The following PDHX variants were observed in gnomAD, a reference collection of about 807,000 sequenced individuals.
PDHX encodes the protein pyruvate dehydrogenase complex component X.
Under a neutral mutation model 55.3 loss-of-function variants are expected in PDHX, and 33 were observed. The ratio of observed to expected loss-of-function variants is 0.60; its 90% CI spans 0.45 to 0.80. The LOEUF (loss-of-function observed/expected upper bound fraction) is 0.80. Among genes scored for constraint, PDHX ranks in the 30% least tolerant of loss-of-function variants. The probability of loss-of-function intolerance (pLI) is 0.00; values close to 1 mark genes in which losing one functional copy is unlikely to be tolerated. For synonymous variants in PDHX, 226 were observed against 219.4 expected (o/e 1.03, Z -0.27); for missense variants, 622 against 619.9 (o/e 1.00, Z -0.04).
At chr11:34,960,641 G>T in intron 5 of PDHX, 123 bp downstream of exon 5, 5 of 616,138 alleles carry the variant, frequency 8.1e-6, no homozygotes, top group African/African-American at 5.6e-5. Flanking sequence ...TTCTTCTTTT[G>T]TACTTTTAAT....
intron 2 of PDHX, among the ~76,000 whole-genome samples, chr11:34,932,936 A>G (rs1451804526): frequency 6.6e-6 from 1 of 152,218 alleles, no homozygotes; most frequent in Non-Finnish European, 1.5e-5. Context: ...CTATGGGGTG[A>G]TCTTCATTGA....
intron 3 of PDHX, among the ~76,000 whole-genome samples, chr11:34,952,427 T>C (rs1292109463): frequency 6.6e-6 from 1 of 152,154 alleles, no homozygotes; most frequent in African/African-American, 2.4e-5. Flanking sequence ...TGAACATTGA[T>C]GCAAAAATCC....
At chr11:34,922,412 C>G (rs1853905699) in intron 1 of PDHX, among the ~76,000 whole-genome samples, 1 of 152,212 alleles carries the variant, frequency 6.6e-6, no homozygotes, top group South Asian at 2.1e-4. Flanking sequence ...TTAATACTCA[C>G]AACTAATACT....
intron 1 of PDHX, among the ~76,000 whole-genome samples, chr11:34,930,850 C>T (rs531086280): frequency 1.3e-5 from 2 of 152,158 alleles, no homozygotes; most frequent in Admixed American, 6.5e-5. Context: ...ACAAGGCAAA[C>T]GTTTCCTTTC....
chr11:34,950,353 T>C lies in PDHX; in HGVS notation c.342+2747T>C, dbSNP rs569279999. ...TAATTTTTTCTTTTTTTAATGTTTG[T>C]TTATTTATTTATTTATTTTATTATT... On this transcript the variant is annotated intron_variant, in intron 3 of 10. Coordinates refer to ENST00000227868, the MANE Select transcript of PDHX (RefSeq NM_003477.3). Among the ~76,000 whole-genome samples the C allele has an allele frequency of 7.9e-4, 116 of 147,404 alleles. 1 individual carries two copies. Among genetic ancestry groups the C allele is most frequent in the Non-Finnish European group, 1.3e-3 (86 of 67,570 alleles).
intron 1 of PDHX, among the ~76,000 whole-genome samples, chr11:34,928,850 A>G (rs1353491864): frequency 6.6e-6 from 1 of 152,218 alleles, no homozygotes; most frequent in Non-Finnish European, 1.5e-5. Flanking sequence ...TTAGTTCTCC[A>G]GCATTTTATA....
intron 3 of PDHX, among the ~76,000 whole-genome samples, chr11:34,953,374 G>A (rs865798677): frequency 6.6e-6 from 1 of 152,166 alleles, no homozygotes; most frequent in Non-Finnish European, 1.5e-5. Context: ...AAAAGAGCCT[G>A]CATCGCCAAG....
rs1855142003 is a variant in PDHX at position 34,966,761 on chromosome 11, T to C, written c.763T>C (p.Tyr255His). ...CCTACAGGCCACAGCTGGACCATCT[T>C]ATCCCCGGCCTGTGATCCCACCAGT... ...SPLQATAGPS[Y>H]PRPVIPPVST... The change falls in exon 6 of 11, where the codon TAT (tyrosine) becomes CAT (histidine). Residue 255 changes from tyrosine (Y) to histidine (H), a missense_variant. Physicochemically the swap from Tyr to His is moderately conservative, Grantham distance 83 (BLOSUM62 2). Coordinates refer to ENST00000227868, the MANE Select transcript of PDHX (RefSeq NM_003477.3). 6.2e-7 allele frequency: 1 copy of C among 1,614,120 alleles called. No individual in the cohort carries two copies. The highest frequency in any genetic ancestry group is 8.5e-7 in the Non-Finnish European group (1 of 1,179,992).
intron 8 of PDHX, 145 bp downstream of exon 8, chr11:34,978,327 C>T: frequency 1.6e-6 from 1 of 627,252 alleles, no homozygotes; most frequent in East Asian, 2.8e-5. Flanking sequence ...TGATCTCCCT[C>T]ATTTTACAAA....
Position 34,988,310 on chromosome 11 carries a change from C to T in PDHX, c.1182+3582C>T, listed in dbSNP as rs141241090. On this transcript the variant is annotated intron_variant, in intron 9 of 10. Coordinates refer to ENST00000227868, the MANE Select transcript of PDHX (RefSeq NM_003477.3). ...TATATATATTAATCCTCTTTAAAAC[C>T]ACCCTATCAAGTACAAGATAATAAT... Among the ~76,000 whole-genome samples, 626 of 152,018 alleles carry T rather than the reference C, an allele frequency of 4.1e-3. 4 individuals carry two copies. Among genetic ancestry groups the T allele is most frequent in the African/African-American group, 0.014 (601 of 41,464 alleles).
At chr11:34,979,263 A>G (rs1855452142) in intron 8 of PDHX, among the ~76,000 whole-genome samples, 1 of 152,116 alleles carries the variant, frequency 6.6e-6, no homozygotes, top group African/African-American at 2.4e-5. Flanking sequence ...GACATGTTAC[A>G]TTTGAGGAGC....
intron 2 of PDHX, among the ~76,000 whole-genome samples, chr11:34,944,244 C>T (rs986980844): frequency 1.3e-5 from 2 of 151,872 alleles, no homozygotes; most frequent in South Asian, 2.1e-4. Flanking sequence ...CTCAACCTCC[C>T]GAGTAGCTGG....
intron 9 of PDHX, among the ~76,000 whole-genome samples, chr11:34,987,768 C>T (rs1855680512): frequency 6.7e-6 from 1 of 148,622 alleles, no homozygotes; most frequent in Non-Finnish European, 1.5e-5. Flanking sequence ...GTGTGTTCTT[C>T]ACGTCCAATA....
At chr11:34,964,239 A>G (rs192169352) in intron 5 of PDHX, among the ~76,000 whole-genome samples, 120 of 152,324 alleles carry the variant, frequency 7.9e-4, no homozygotes, top group Admixed American at 3.1e-3. Context: ...CTGCCTCACA[A>G]AAAACTAAAT....
intron 2 of PDHX, among the ~76,000 whole-genome samples, chr11:34,943,869 G>A (rs1272883711): frequency 6.6e-6 from 1 of 151,964 alleles, no homozygotes; most frequent in Non-Finnish European, 1.5e-5. Context: ...TACAAAAACT[G>A]AATTAGATGC....
Position 34,984,735 on chromosome 11 carries a change from C to CT in PDHX, c.1182+9dup. 6.2e-7 allele frequency: 1 copy of CT among 1,612,952 alleles called. No homozygotes were observed. The highest frequency in any genetic ancestry group is 8.5e-7 in the Non-Finnish European group (1 of 1,179,020). On this transcript the variant is annotated splice_region_variant and intron_variant, in intron 9 of 10. Coordinates refer to ENST00000227868, the MANE Select transcript of PDHX (RefSeq NM_003477.3). ...AATTGCTGACTCTGTAAAGGTATGT[C>CT]TTAAGAAAGAGTGTGCTTTCAAAAT... is the stretch of plus-strand genomic sequence containing the variant.
At chr11:34,938,851 G>A (rs919823472) in intron 2 of PDHX, among the ~76,000 whole-genome samples, 4 of 152,336 alleles carry the variant, frequency 2.6e-5, no homozygotes, top group Middle Eastern at 3.4e-3. Flanking sequence ...AGGCCAGGAT[G>A]TATTTTAAGT....
At chr11:34,960,386 ATTGG>A (rs1854997931) in intron 4 of PDHX, 30 bp from the exon 5 acceptor site, 1 of 1,319,502 alleles carries the variant, frequency 7.6e-7, no homozygotes. Flanking sequence ...GTAAGTGTTA[ATTGG>A]TTCTATTAAC....
chr11:34,916,064 C>T (rs1327525531), upstream of PDHX: 1 of 926,004 alleles, frequency 1.1e-6, no homozygotes, highest in Non-Finnish European at 1.6e-6. Context: ...AGCCTTGCTT[C>T]CGAACGCCAA....
Sources: gnomAD v4.1 joint callset for allele counts (sites outside exome capture counted in the v4.1 genomes callset) on GRCh38, gnomAD v4.1.1 for gene constraint, MANE v1.5 for transcripts, NCBI Gene and HGNC (gene_info 2026-07-23, HGNC 2026-07-21) for gene names.